Variants in SLCO2A1 observed in about 807,000 individuals in gnomAD.
SLCO2A1 encodes the protein solute carrier organic anion transporter family member 2A1.
In SLCO2A1, 60 loss-of-function variants were observed where a neutral mutation model predicts 71.7. The observed-to-expected ratio is 0.84, with a 90% confidence interval of 0.68 to 1.04. The LOEUF (loss-of-function observed/expected upper bound fraction) is 1.04, where lower values mean the gene tolerates loss of function less well. SLCO2A1 is among the 50% of genes least tolerant of loss of function. The probability of loss-of-function intolerance (pLI) is 0.00; values close to 1 mark genes in which losing one functional copy is unlikely to be tolerated. For synonymous variants in SLCO2A1, 308 were observed against 326.7 expected (o/e 0.94, Z 0.62); for missense variants, 745 against 813.4 (o/e 0.92, Z 1.02).
intron 6 of SLCO2A1, among the ~76,000 whole-genome samples, chr3:133,950,367 G>T (rs1933711425): frequency 6.6e-6 from 1 of 152,062 alleles, no homozygotes; most frequent in South Asian, 2.1e-4. Context: ...ATAAACTTTA[G>T]CTCCTTCTTC....
intron 1 of SLCO2A1, among the ~76,000 whole-genome samples, chr3:134,013,254 C>T (rs1299649016): frequency 6.6e-6 from 1 of 152,234 alleles, no homozygotes; most frequent in Non-Finnish European, 1.5e-5. Context: ...CCCAAATACA[C>T]TGTAAATCAA....
chr3:133,997,945 G>T (rs1935009248), intron 1 of SLCO2A1, among the ~76,000 whole-genome samples: 1 of 152,228 alleles, frequency 6.6e-6, no homozygotes, highest in Non-Finnish European at 1.5e-5. Context: ...GTCTAGGAGT[G>T]TTTGGAGACA....
At chr3:133,977,056 C>G (rs920633583) in intron 2 of SLCO2A1, among the ~76,000 whole-genome samples, 6 of 152,150 alleles carry the variant, frequency 3.9e-5, no homozygotes, top group African/African-American at 1.4e-4. Flanking sequence ...CCTCACCTTC[C>G]CCTTGCACCA....
chr3:133,967,810 CCCCACCCCACCTCCATACCCCCCACACAT>C (rs1934218166), intron 3 of SLCO2A1, among the ~76,000 whole-genome samples: 1 of 121,998 alleles, frequency 8.2e-6, no homozygotes, highest in Non-Finnish European at 1.9e-5. Context: ...TTCACAGGCA[CCCCACCCCACCTCCATACCCCCCACACAT>C]GAACACACGC....
intron 3 of SLCO2A1, among the ~76,000 whole-genome samples, chr3:133,957,514 A>C (rs372094154): frequency 6.6e-6 from 1 of 152,288 alleles, no homozygotes; most frequent in South Asian, 2.1e-4. Flanking sequence ...TCAAAGTCCA[A>C]ACTGAAATCA....
chr3:133,945,444 A>C (rs1442229049), intron 9 of SLCO2A1, among the ~76,000 whole-genome samples, 184 bp from the exon 10 acceptor site: 1 of 152,134 alleles, frequency 6.6e-6, no homozygotes, highest in African/African-American at 2.4e-5. Flanking sequence ...GCCACTGTTT[A>C]GTGGTCACGG....
chr3:133,987,534 G>A (rs9842594), intron 1 of SLCO2A1, among the ~76,000 whole-genome samples: 13,815 of 151,710 alleles, frequency 0.091, 879 homozygotes, highest in Non-Finnish European at 0.14. Flanking sequence ...AAGTTGTCTC[G>A]CCTTTCTGGA....
intron 5 of SLCO2A1, among the ~76,000 whole-genome samples, chr3:133,952,918 C>T (rs1322269478): frequency 1.3e-5 from 2 of 152,138 alleles, no homozygotes; most frequent in Non-Finnish European, 2.9e-5. Flanking sequence ...CATGTTATAC[C>T]CTCTGGATGT....
At chr3:134,007,547 T>C (rs1365110556) in intron 1 of SLCO2A1, among the ~76,000 whole-genome samples, 2 of 152,256 alleles carry the variant, frequency 1.3e-5, no homozygotes, top group African/African-American at 4.8e-5. Context: ...ATTCTGTTTC[T>C]GATTCTATGT....
intron 1 of SLCO2A1, among the ~76,000 whole-genome samples, chr3:133,992,868 G>A (rs1033094825): frequency 6.6e-6 from 1 of 152,124 alleles, no homozygotes; most frequent in Non-Finnish European, 1.5e-5. Flanking sequence ...TCTTCAATCC[G>A]TTCGTGCAAC....
At chr3:133,986,205 G>A (rs1934710500) in intron 1 of SLCO2A1, among the ~76,000 whole-genome samples, 1 of 152,084 alleles carries the variant, frequency 6.6e-6, no homozygotes, top group Non-Finnish European at 1.5e-5. Flanking sequence ...CAACCATGAG[G>A]TATTCAAAAT....
At chr3:134,001,468 G>A (rs567624897) in intron 1 of SLCO2A1, among the ~76,000 whole-genome samples, 4 of 152,310 alleles carry the variant, frequency 2.6e-5, no homozygotes, top group African/African-American at 7.2e-5. Context: ...CACCGGACTG[G>A]ACTTTTCTCA....
intron 13 of SLCO2A1, 76 bp from the exon 14 acceptor site, chr3:133,934,906 A>ATGATGTGGTTCTTCCCAGT: frequency 1.7e-6 from 2 of 1,173,080 alleles, no homozygotes; most frequent in Non-Finnish European, 1.2e-6. Context: ...ACCACTGGGA[A>ATGATGTGGTTCTTCCCAGT]GAACCACATC....
chr3:134,027,746 T>G (rs1362047419), intron 1 of SLCO2A1, among the ~76,000 whole-genome samples: 1 of 152,194 alleles, frequency 6.6e-6, no homozygotes, highest in African/African-American at 2.4e-5. Flanking sequence ...TCCCTTCAAA[T>G]AGCAGAGCTC....
In SLCO2A1 at chr3:133,933,236, T is replaced by C. The variant is rs1011711060; in HGVS notation, c.*1477A>G. 2.6e-5 allele frequency: 4 copies of C among 152,282 alleles called. No homozygotes were observed. Among genetic ancestry groups the C allele is most frequent in the African/African-American group, 9.7e-5 (4 of 41,432 alleles). 9.4% of individuals were successfully genotyped at this position (152,282 alleles called of 1,614,324 possible). A position where few individuals can be genotyped will look rare whatever the true frequency, so the allele number is the denominator to read the frequency against. ...CAAAGGGCCAGGTGCAGAGTCAGTCTGGGGGCCATGGATGGCATGGATAGT... is the reference window on the plus strand; with the variant it reads ...CAAAGGGCCAGGTGCAGAGTCAGTCCGGGGGCCATGGATGGCATGGATAGT... On this transcript the variant is annotated 3_prime_UTR_variant, in exon 14 of 14. Coordinates refer to ENST00000310926, the MANE Select transcript of SLCO2A1 (RefSeq NM_005630.3).
At chr3:133,994,357 T>TG (rs1334123720) in intron 1 of SLCO2A1, among the ~76,000 whole-genome samples, 1 of 152,194 alleles carries the variant, frequency 6.6e-6, no homozygotes, top group Non-Finnish European at 1.5e-5. Context: ...CCATGCTGCC[T>TG]GGGGTGAGCG....
chr3:134,027,600 A>T (rs958945991), intron 1 of SLCO2A1, among the ~76,000 whole-genome samples: 2 of 152,220 alleles, frequency 1.3e-5, no homozygotes, highest in Non-Finnish European at 2.9e-5. Context: ...TTCCTTCTTT[A>T]ACTCAGTGTC....
chr3:134,014,820 G>A (rs757678004), intron 1 of SLCO2A1, among the ~76,000 whole-genome samples: 8 of 152,200 alleles, frequency 5.3e-5, no homozygotes, highest in Non-Finnish European at 1.2e-4. Context: ...GGCATTGGAT[G>A]AGCCTTGGTT....
intron 1 of SLCO2A1, among the ~76,000 whole-genome samples, chr3:134,013,019 C>T (rs968293177): frequency 1.3e-5 from 2 of 152,158 alleles, no homozygotes; most frequent in Non-Finnish European, 2.9e-5. Context: ...ATTTGGTCAC[C>T]TTGGGAGGCA....
Sources: allele counts gnomAD v4.1 joint callset (sites outside exome capture counted in the v4.1 genomes callset), GRCh38; gene constraint gnomAD v4.1.1; transcripts MANE v1.5; gene names NCBI Gene and HGNC (gene_info 2026-07-23, HGNC 2026-07-21).